AGBL1: variants seen among roughly 807,000 people sequenced by gnomAD.
AGBL1 encodes AGBL carboxypeptidase 1, also known as cytosolic carboxypeptidase 4.
AGBL1 carries 130 observed loss-of-function variants against 118.9 expected under a neutral mutation model. The ratio of observed to expected loss-of-function variants is 1.09; its 90% CI spans 0.95 to 1.26. The LOEUF is 1.26. Ranked by LOEUF, AGBL1 falls within the 50% of genes most tolerant of loss-of-function variation. The pLI is 0.00. For missense variants in AGBL1, 1,584 were observed against 1,298.1 expected (o/e 1.22, Z -3.38); for synonymous variants, 555 against 478.9 (o/e 1.16, Z -2.08).
intron 23 of AGBL1, among the ~76,000 whole-genome samples, chr15:86,927,989 T>C (rs1480546069): frequency 1.3e-5 from 2 of 152,160 alleles, no homozygotes; most frequent in African/African-American, 2.4e-5. Context: ...TGTGTATATA[T>C]GTTTGAGTCT....
intron 23 of AGBL1, among the ~76,000 whole-genome samples, chr15:86,966,032 TAGAC>T (rs927696813): frequency 2.6e-5 from 4 of 151,904 alleles, no homozygotes; most frequent in African/African-American, 7.2e-5. Context: ...AAGGAAATAA[TAGAC>T]AGTTTATCTT....
intron 18 of AGBL1, among the ~76,000 whole-genome samples, chr15:86,520,095 T>G (rs2083167415): frequency 6.6e-6 from 1 of 152,140 alleles, no homozygotes; most frequent in Non-Finnish European, 1.5e-5. Flanking sequence ...CCATTCACCC[T>G]GCATATAGCT....
intron 18 of AGBL1, among the ~76,000 whole-genome samples, chr15:86,451,892 A>G (rs1365550608): frequency 1.3e-5 from 2 of 152,020 alleles, no homozygotes; most frequent in East Asian, 1.9e-4. Flanking sequence ...TCTAATCCTC[A>G]CTGGATAAAG....
intron 9 of AGBL1, among the ~76,000 whole-genome samples, chr15:86,259,129 G>A (rs922878712): frequency 5.3e-5 from 8 of 152,212 alleles, no homozygotes; most frequent in African/African-American, 1.7e-4. Context: ...GTTGTGGGAG[G>A]CTGCCTTGTG....
chr15:86,093,031 C>T (rs112797164), intron 1 of AGBL1, among the ~76,000 whole-genome samples: 3 of 152,012 alleles, frequency 2.0e-5, no homozygotes, highest in African/African-American at 4.8e-5. Context: ...TTGGAAGGTG[C>T]CTGGGAAGGT....
chr15:86,947,534 C>A (rs1226607062), intron 23 of AGBL1, among the ~76,000 whole-genome samples: 1 of 152,130 alleles, frequency 6.6e-6, no homozygotes, highest in Non-Finnish European at 1.5e-5. Flanking sequence ...GATTGCTGAG[C>A]TAATTCCAGC....
chr15:86,958,164 C>T (rs1358896877), intron 23 of AGBL1, among the ~76,000 whole-genome samples: 1 of 150,230 alleles, frequency 6.7e-6, no homozygotes, highest in Non-Finnish European at 1.5e-5. Flanking sequence ...ATGATTGTGC[C>T]ACTGCACTCC....
intron 17 of AGBL1, 75 bp from the exon 18 acceptor site, chr15:86,397,291 A>T: frequency 8.9e-7 from 1 of 1,117,344 alleles, no homozygotes. Context: ...AGAAGCAAAA[A>T]AGAAGTTTAG....
chr15:86,243,748 C>T (rs2078674107), intron 6 of AGBL1, among the ~76,000 whole-genome samples: 3 of 152,150 alleles, frequency 2.0e-5, no homozygotes, highest in African/African-American at 4.8e-5. Flanking sequence ...GTGGGTCACG[C>T]CTGTAATTCC....
At chr15:86,592,318 AG>A (rs1248831965) in intron 21 of AGBL1, among the ~76,000 whole-genome samples, 1 of 152,250 alleles carries the variant, frequency 6.6e-6, no homozygotes, top group East Asian at 1.9e-4. Flanking sequence ...AATTCAGCCA[AG>A]GGGCATAAGG....
At chr15:86,970,992 A>G (rs2081102569) in intron 23 of AGBL1, among the ~76,000 whole-genome samples, 1 of 152,066 alleles carries the variant, frequency 6.6e-6, no homozygotes, top group Admixed American at 6.6e-5. Context: ...AGTATACAGG[A>G]GAATGTGTGT....
At chr15:86,374,813 G>T (rs1176627605) in intron 17 of AGBL1, among the ~76,000 whole-genome samples, 1 of 152,096 alleles carries the variant, frequency 6.6e-6, no homozygotes, top group East Asian at 1.9e-4. Flanking sequence ...CAGCCTTTAG[G>T]ACGTTTTTTC....
intron 22 of AGBL1, among the ~76,000 whole-genome samples, chr15:86,771,038 C>G (rs906533556): frequency 6.6e-5 from 10 of 152,018 alleles, no homozygotes; most frequent in African/African-American, 2.4e-4. Flanking sequence ...GTGGTCCTTG[C>G]TCTCTTTCCT....
chr15:86,441,421 C>G (rs1038632177), intron 18 of AGBL1, among the ~76,000 whole-genome samples: 1 of 152,170 alleles, frequency 6.6e-6, no homozygotes, highest in African/African-American at 2.4e-5. Context: ...AATGTACCAC[C>G]TTTTAAGCAG....
intron 23 of AGBL1, among the ~76,000 whole-genome samples, chr15:86,928,403 T>A (rs2080568946): frequency 1.3e-5 from 2 of 152,188 alleles, no homozygotes; most frequent in Non-Finnish European, 2.9e-5. Context: ...AGGTCCCGTC[T>A]GAGTCCAAAT....
downstream of AGBL1, among the ~76,000 whole-genome samples, chr15:86,920,932 G>A (rs1280093788): frequency 1.3e-5 from 2 of 152,158 alleles, no homozygotes; most frequent in African/African-American, 4.8e-5. Flanking sequence ...TGTGCATTAA[G>A]GCAAAACATC....
intron 17 of AGBL1, among the ~76,000 whole-genome samples, chr15:86,332,645 C>CAAA (rs60036454): frequency 1.1e-5 from 1 of 89,030 alleles, no homozygotes; most frequent in African/African-American, 4.3e-5. Context: ...GACTCCATCT[C>CAAA]AAAAAAAAAA....
At chr15:86,808,941 C>A (rs1226974078) in intron 22 of AGBL1, among the ~76,000 whole-genome samples, 1 of 151,982 alleles carries the variant, frequency 6.6e-6, no homozygotes, top group Non-Finnish European at 1.5e-5. Flanking sequence ...TATTTGTTAG[C>A]ACTCCTGATA....
At chr15:86,508,850 T>C (rs752320709) in intron 18 of AGBL1, among the ~76,000 whole-genome samples, 2 of 152,178 alleles carry the variant, frequency 1.3e-5, no homozygotes, top group Admixed American at 6.6e-5. Context: ...CAAATGTGAA[T>C]GCTAAAAAGA....
Sources: gnomAD v4.1 joint callset for allele counts (sites outside exome capture counted in the v4.1 genomes callset) on GRCh38, gnomAD v4.1.1 for gene constraint, MANE v1.5 for transcripts, NCBI Gene and HGNC (gene_info 2026-07-23, HGNC 2026-07-21) for gene names.